The following GABBR2 variants were observed in gnomAD, a reference collection of about 807,000 sequenced individuals.
GABBR2 encodes gamma-aminobutyric acid type B receptor subunit 2.
In GABBR2, 23 loss-of-function variants were observed where a neutral mutation model predicts 105.6. That is an observed-to-expected ratio of 0.22 (90% CI 0.16 to 0.31). The LOEUF is 0.31. Ranked by LOEUF, GABBR2 falls within the 10% of genes least tolerant of loss-of-function variation. GABBR2 has a pLI of 1.00. For missense variants in GABBR2, 734 were observed against 1,245.5 expected (o/e 0.59, Z 6.18); for synonymous variants, 478 against 499.7 (o/e 0.96, Z 0.58).
chr9:98,390,535 A>G (rs903892460), intron 9 of GABBR2, among the ~76,000 whole-genome samples: 1 of 152,088 alleles, frequency 6.6e-6, no homozygotes, highest in Admixed American at 6.6e-5. Context: ...TTCCATGTAA[A>G]CTAACATTTA....
At chr9:98,704,066 T>C (rs1830865142) in intron 1 of GABBR2, among the ~76,000 whole-genome samples, 1 of 152,302 alleles carries the variant, frequency 6.6e-6, no homozygotes, top group South Asian at 2.1e-4. Flanking sequence ...GTTCTTGCCC[T>C]GTTCTCTGTT....
intron 2 of GABBR2, among the ~76,000 whole-genome samples, chr9:98,568,074 G>T (rs1379293698): frequency 1.3e-5 from 2 of 152,204 alleles, no homozygotes; most frequent in Non-Finnish European, 2.9e-5. Flanking sequence ...GGAGGGTGCT[G>T]CCAGGATCCA....
At chr9:98,318,118 A>G (rs1330981413) in intron 13 of GABBR2, among the ~76,000 whole-genome samples, 1 of 152,208 alleles carries the variant, frequency 6.6e-6, no homozygotes, top group Non-Finnish European at 1.5e-5. Context: ...GAGAGGCTGA[A>G]GTGTGATAAG....
At chr9:98,504,039 C>A (rs1476527999) in intron 3 of GABBR2, among the ~76,000 whole-genome samples, 1 of 152,178 alleles carries the variant, frequency 6.6e-6, no homozygotes, top group Non-Finnish European at 1.5e-5. Context: ...CCCGAGCCCC[C>A]TGTCCCCATC....
intron 3 of GABBR2, among the ~76,000 whole-genome samples, chr9:98,514,847 C>T (rs1428293165): frequency 6.6e-6 from 1 of 152,176 alleles, no homozygotes. Context: ...CCCATCCCTG[C>T]TCTTGTCTCT....
At chr9:98,567,240 G>A (rs757142950) in intron 2 of GABBR2, among the ~76,000 whole-genome samples, 2 of 152,338 alleles carry the variant, frequency 1.3e-5, no homozygotes, top group African/African-American at 4.8e-5. Context: ...TTACTTTAGA[G>A]ACCATGATCT....
Position 98,643,577 on chromosome 9 carries a change from C to T in GABBR2, c.321+64840G>A, listed in dbSNP as rs547372635. 7.9e-5 allele frequency among the ~76,000 whole-genome samples: 12 copies of T among 152,294 alleles called. No homozygotes were observed. The South Asian group carries it at 2.1e-3, about 26-fold the overall frequency. Reference sequence around the variant, plus strand: ...GTGTCTGCTTTGCCAGATAAGACCACGAGCTCCTTGCGCAGAGGGACGGAA... The same window carrying T: ...GTGTCTGCTTTGCCAGATAAGACCATGAGCTCCTTGCGCAGAGGGACGGAA... On this transcript the variant is annotated intron_variant, in intron 1 of 18. Coordinates refer to ENST00000259455, the MANE Select transcript of GABBR2 (RefSeq NM_005458.8).
intron 6 of GABBR2, among the ~76,000 whole-genome samples, chr9:98,468,813 C>T (rs750159901): frequency 6.6e-6 from 1 of 152,168 alleles, no homozygotes; most frequent in East Asian, 1.9e-4. Context: ...ACTCTGTGCT[C>T]CTGTGTGTCA....
Position 98,512,427 on chromosome 9 carries a change from G to A in GABBR2, c.631-15913C>T, listed in dbSNP as rs902425777. Among the ~76,000 whole-genome samples, 9 of 151,362 alleles carry A rather than the reference G, an allele frequency of 5.9e-5. No individual in the cohort carries two copies. The South Asian group carries it at 6.3e-4, about 11-fold the overall frequency. On this transcript the variant is annotated intron_variant, in intron 3 of 18. Transcript: ENST00000259455. ...GGCCAGGGCAATTAGGCAGGAGAAG[G>A]AAATAAAGGGTATTCAATTAGGAAA...
rs946935447 is a variant in GABBR2, at chr9:98,547,282, ACTATG to A, written c.460-5244_460-5240del. Among the ~76,000 whole-genome samples the A allele has an allele frequency of 1.0e-4, 12 of 116,692 alleles. 1 individual carries two copies. Among genetic ancestry groups the A allele is most frequent in the African/African-American group, 2.7e-4 (10 of 36,936 alleles). The allele number at this position is 116,692 out of a possible 152,430, so 76.6% of individuals were successfully genotyped here. ...AAACCTAATATATATATATAAAATG[ACTATG>A]CTATATTTATATTGTGTATATTGTT... On this transcript the variant is annotated intron_variant, in intron 2 of 18. Coordinates refer to ENST00000259455, the MANE Select transcript of GABBR2 (RefSeq NM_005458.8).
At chr9:98,665,180 G>A (rs144461037) in intron 1 of GABBR2, among the ~76,000 whole-genome samples, 18 of 152,216 alleles carry the variant, frequency 1.2e-4, no homozygotes, top group African/African-American at 3.9e-4. Flanking sequence ...GAGATAGGAG[G>A]ATCGCCTGAG....
At chr9:98,628,727 AC>A (rs1198466415) in intron 1 of GABBR2, among the ~76,000 whole-genome samples, 5 of 151,722 alleles carry the variant, frequency 3.3e-5, no homozygotes, top group Admixed American at 3.3e-4. Context: ...CCTCCTGCCA[AC>A]TCATTCTCGA....
chr9:98,602,454 T>C (rs1829353858), intron 1 of GABBR2, among the ~76,000 whole-genome samples: 1 of 96,276 alleles, frequency 1.0e-5, no homozygotes, highest in Non-Finnish European at 2.2e-5. Flanking sequence ...AGCTAGACTC[T>C]GTCTCAAAAA....
chr9:98,494,682 G>A (rs1260079029), intron 4 of GABBR2, among the ~76,000 whole-genome samples: 1 of 151,878 alleles, frequency 6.6e-6, no homozygotes, highest in Non-Finnish European at 1.5e-5. Context: ...CTTTGGGGAG[G>A]ACGAATTGAG....
At position 98,654,717 on chromosome 9, in the gene GABBR2, G is replaced by T. The variant is rs1588270664; in HGVS notation, c.321+53700C>A. On this transcript the variant is annotated intron_variant, in intron 1 of 18. Coordinates refer to ENST00000259455, the MANE Select transcript of GABBR2 (RefSeq NM_005458.8). ...GAGGAGAGAACTACATCATGTGTATGAAGACACAAAAAAAAGCAGAGCCCC... is the reference window on the plus strand; with the variant it reads ...GAGGAGAGAACTACATCATGTGTATTAAGACACAAAAAAAAGCAGAGCCCC... Among the ~76,000 whole-genome samples the T allele has an allele frequency of 3.3e-5, 5 of 152,244 alleles. 1 individual carries two copies. Among genetic ancestry groups the T allele is most frequent in the Admixed American group, 3.3e-4 (5 of 15,288 alleles).
At chr9:98,670,123 T>C (rs1377813072) in intron 1 of GABBR2, among the ~76,000 whole-genome samples, 1 of 152,166 alleles carries the variant, frequency 6.6e-6, no homozygotes, top group Non-Finnish European at 1.5e-5. Context: ...GAGTAGGCCA[T>C]GGAAAGCTTT....
At chr9:98,396,514 G>C (rs1832293645) in intron 8 of GABBR2, among the ~76,000 whole-genome samples, 1 of 152,166 alleles carries the variant, frequency 6.6e-6, no homozygotes, top group Non-Finnish European at 1.5e-5. Context: ...CCCCACAAGG[G>C]TCCTCGCCAT....
At chr9:98,700,615 T>A (rs1830817648) in intron 1 of GABBR2, among the ~76,000 whole-genome samples, 1 of 152,216 alleles carries the variant, frequency 6.6e-6, no homozygotes, top group Non-Finnish European at 1.5e-5. Flanking sequence ...AGATCTCTTA[T>A]GCTTACAAGT....
At chr9:98,634,750 C>T (rs1270201113) in intron 1 of GABBR2, among the ~76,000 whole-genome samples, 7 of 152,078 alleles carry the variant, frequency 4.6e-5, no homozygotes, top group South Asian at 2.1e-4. Context: ...TATACTATCC[C>T]GATCAAAAGT....
Sources: allele counts gnomAD v4.1 joint callset (sites outside exome capture counted in the v4.1 genomes callset), GRCh38; gene constraint gnomAD v4.1.1; transcripts MANE v1.5; gene names NCBI Gene and HGNC (gene_info 2026-07-23, HGNC 2026-07-21).